Variants in SCN7A observed in about 807,000 individuals in gnomAD.
The protein encoded by SCN7A is sodium voltage-gated channel alpha subunit 7, also known as sodium channel protein type 7 subunit alpha.
A neutral mutation model predicts 155.2 loss-of-function variants in SCN7A; 138 were observed. That is an observed-to-expected ratio of 0.89 (90% CI 0.77 to 1.02). The LOEUF is 1.02. Ranked by LOEUF, SCN7A falls within the 50% of genes least tolerant of loss-of-function variation. The pLI, the probability that SCN7A is intolerant of heterozygous loss-of-function variation, is 0.00. For missense variants in SCN7A, 2,058 were observed against 1,986.6 expected (o/e 1.04, Z -0.68); for synonymous variants, 693 against 649.0 (o/e 1.07, Z -1.03).
chr2:166,414,068 T>TATATATGTAA (rs71932630), intron 21 of SCN7A, among the ~76,000 whole-genome samples: 5 of 73,860 alleles, frequency 6.8e-5, no homozygotes, highest in African/African-American at 2.5e-4. Flanking sequence ...AAAAATATAT[T>TATATATGTAA]ATATATGTAA....
chr2:166,441,241 C>T (rs957679644), intron 15 of SCN7A, 155 bp downstream of exon 15: 5 of 530,902 alleles, frequency 9.4e-6, no homozygotes, highest in African/African-American at 7.7e-5. Flanking sequence ...TGGAACTAAT[C>T]ATATATCAGT....
At position 166,441,702 on chromosome 2, in the gene SCN7A, CA is replaced by C; in HGVS notation, c.1850del (p.Met617SerfsTer11). 6.2e-7 allele frequency: 1 copy of C among 1,612,400 alleles called. No individual in the cohort carries two copies. Among genetic ancestry groups the C allele is most frequent in the Non-Finnish European group, 8.5e-7 (1 of 1,179,182 alleles). The part of the protein sequence containing the change: ...GKYWPTFQIL[M>X]WSLSNSWVAL... ...CCACCCATGAGTTACTAAGAGACCA[CA>C]TCAAAATCTGGAATGTTGGCCAATA... On this transcript the variant is annotated frameshift_variant, in exon 15 of 26. Coordinates refer to ENST00000643258, the MANE Select transcript of SCN7A (RefSeq NM_002976.4). LOFTEE classifies it high-confidence loss of function.
chr2:166,420,566 T>C (rs1157312190), intron 20 of SCN7A, among the ~76,000 whole-genome samples: 1 of 152,056 alleles, frequency 6.6e-6, no homozygotes, highest in Non-Finnish European at 1.5e-5. Context: ...CCATTTCAGG[T>C]ACAAAAGATT....
intron 1 of SCN7A, among the ~76,000 whole-genome samples, chr2:166,488,763 A>T (rs1703109751): frequency 6.6e-6 from 1 of 151,448 alleles, no homozygotes; most frequent in Non-Finnish European, 1.5e-5. Context: ...TCAGCCTCCC[A>T]AGTAGCTAGG....
In SCN7A at chr2:166,406,113, T is replaced by C; in HGVS notation, c.4516A>G (p.Lys1506Glu). 6.2e-7 allele frequency: 1 copy of C among 1,612,074 alleles called. No individual in the cohort carries two copies. The highest frequency in any genetic ancestry group is 2.2e-5 in the East Asian group (1 of 44,788). The change falls in exon 26 of 26, where the codon AAA (lysine) becomes GAA (glutamate). Residue 1506 changes from lysine to glutamate, a missense_variant. By Grantham distance (56) the Lys-to-Glu change is moderately conservative. Coordinates refer to ENST00000643258, the MANE Select transcript of SCN7A (RefSeq NM_002976.4). Reference protein sequence around the residue: ...MEFLNIASKKKNKTLSEDDFR... With the variant: ...MEFLNIASKKENKTLSEDDFR... The stretch of plus-strand genomic sequence containing the variant: ...TCATCTTCACTCAAGGTCTTGTTTT[T>C]CTTCTTAGAAGCAATATTTAAAAAC...
At chr2:166,447,073 T>G (rs1702080257) in intron 12 of SCN7A, among the ~76,000 whole-genome samples, 1 of 152,114 alleles carries the variant, frequency 6.6e-6, no homozygotes, top group Non-Finnish European at 1.5e-5. Flanking sequence ...ATAAAAAAGC[T>G]GAATGAATTG....
chr2:166,465,784 G>A lies in SCN7A; in HGVS notation c.868C>T (p.Arg290Ter), dbSNP rs763423273. The change falls in exon 8 of 26, where the codon CGA becomes TGA. Residue 290 changes from arginine to a stop codon, truncating the protein, a stop_gained. Transcript: ENST00000643258. LOFTEE classifies it high-confidence loss of function. The part of the protein sequence containing the change: ...HNRTGNPYYI[R>*]ETENFYYLEG... Reference sequence around the variant, plus strand: ...TACATGGCAAGGTGATTCTTACCTCGAATATAATATGGGTTTCCAGTTCTG... The same window carrying A: ...TACATGGCAAGGTGATTCTTACCTCAAATATAATATGGGTTTCCAGTTCTG... 5.6e-6 allele frequency: 9 copies of A among 1,613,572 alleles called. No individual in the cohort carries two copies. In the Admixed American group the frequency reaches 6.7e-5, roughly 12 times the overall value.
intron 18 of SCN7A, among the ~76,000 whole-genome samples, 160 bp downstream of exon 18, chr2:166,427,628 T>A (rs970822735): frequency 4.6e-5 from 7 of 152,068 alleles, no homozygotes; most frequent in Admixed American, 1.3e-4. Flanking sequence ...TAAGAAAGTA[T>A]ATTATTTAGA....
At chr2:166,443,721 C>A in intron 13 of SCN7A, 45 bp from the exon 14 acceptor site, 1 of 1,370,334 alleles carries the variant, frequency 7.3e-7, no homozygotes, top group South Asian at 1.4e-5. Flanking sequence ...ATTCCAATAG[C>A]TGTATCAGAA....
chr2:166,484,708 A>T (rs2105531169), intron 2 of SCN7A, among the ~76,000 whole-genome samples: 1 of 152,132 alleles, frequency 6.6e-6, no homozygotes, highest in African/African-American at 2.4e-5. Context: ...ATAAATTAGG[A>T]AATAATGATT....
intron 1 of SCN7A, among the ~76,000 whole-genome samples, chr2:166,489,795 C>T (rs1683044003): frequency 6.6e-6 from 1 of 152,114 alleles, no homozygotes; most frequent in South Asian, 2.1e-4. Context: ...TTCTTCAATA[C>T]GTCCACTTAA....
chr2:166,440,050 G>A (rs1198185582), intron 15 of SCN7A, among the ~76,000 whole-genome samples: 2 of 152,142 alleles, frequency 1.3e-5, no homozygotes, highest in Non-Finnish European at 2.9e-5. Flanking sequence ...TAGATGCAGT[G>A]AAAGCTACTT....
At position 166,477,708 on chromosome 2, in the gene SCN7A, T is replaced by C. The variant is rs756007632; in HGVS notation, c.-12A>G. ...GGTGAAGCCAACATTTCCAATTTTGTACCTGCAAAAAATTCTGTATTAAAG... is the reference window on the plus strand; with the variant it reads ...GGTGAAGCCAACATTTCCAATTTTGCACCTGCAAAAAATTCTGTATTAAAG... On this transcript the variant is annotated splice_region_variant and 5_prime_UTR_variant, in exon 3 of 26. Coordinates refer to ENST00000643258, the MANE Select transcript of SCN7A (RefSeq NM_002976.4). 9 of 1,527,464 alleles carry C rather than the reference T, an allele frequency of 5.9e-6. No homozygotes were observed. Among genetic ancestry groups the C allele is most frequent in the Middle Eastern group, 1.7e-4 (1 of 5,734 alleles). 94.6% of individuals were successfully genotyped at this position (1,527,464 alleles called of 1,614,324 possible).
chr2:166,476,896 G>C (rs1702810817), intron 3 of SCN7A, among the ~76,000 whole-genome samples: 1 of 151,856 alleles, frequency 6.6e-6, no homozygotes, highest in Non-Finnish European at 1.5e-5. Context: ...AGCTTCATTG[G>C]TTCATACCAA....
At chr2:166,413,996 T>C (rs1184857119) in intron 21 of SCN7A, among the ~76,000 whole-genome samples, 1 of 100,466 alleles carries the variant, frequency 1.0e-5, no homozygotes, top group Admixed American at 1.4e-4. Context: ...TATATATATA[T>C]ATATATAAAT....
In SCN7A at chr2:166,443,714, C is replaced by T. The variant is rs1702006159; in HGVS notation, c.1627-38G>A. On this transcript the variant is annotated intron_variant, in intron 13 of 25. Transcript: ENST00000643258. ...CAAATACATAGGTGAGAATATGATT[C>T]CAATAGCTGTATCAGAATCTTCACA... 7.8e-6 allele frequency: 11 copies of T among 1,404,640 alleles called. No individual in the cohort carries two copies. The South Asian group carries it at 1.4e-4, about 18-fold the overall frequency. 87.0% of individuals were successfully genotyped at this position (1,404,640 alleles called of 1,614,324 possible).
chr2:166,406,580 A>G lies in SCN7A; in HGVS notation c.4049T>C (p.Leu1350Pro). 6.2e-7 allele frequency: 1 copy of G among 1,612,646 alleles called. No individual in the cohort carries two copies. Among genetic ancestry groups the G allele is most frequent in the Non-Finnish European group, 8.5e-7 (1 of 1,179,134 alleles). ...ACGCAGCATGTGAATGATCCGTGAGAGAAGTATCAGTTGCACAAGTGAAGG... is the reference window on the plus strand; with the variant it reads ...ACGCAGCATGTGAATGATCCGTGAGGGAAGTATCAGTTGCACAAGTGAAGG... The part of the protein sequence containing the change: ...VPPSLVQLIL[L>P]SRIIHMLRLG... Residue 1350 changes from leucine (L) to proline (P), a missense_variant, in exon 26 of 26, where the codon CTC becomes CCC. Transcript: ENST00000643258.
At chr2:166,471,283 C>T (rs942302360) in intron 6 of SCN7A, among the ~76,000 whole-genome samples, 2 of 151,780 alleles carry the variant, frequency 1.3e-5, no homozygotes, top group African/African-American at 4.8e-5. Context: ...TCTTTCTTGC[C>T]TCAGTTTCCT....
At chr2:166,453,910 C>A (rs1702226538) in intron 11 of SCN7A, among the ~76,000 whole-genome samples, 1 of 151,982 alleles carries the variant, frequency 6.6e-6, no homozygotes, top group Non-Finnish European at 1.5e-5. Flanking sequence ...AATTCTTGTA[C>A]AAATAATGTA....
Sources: allele counts gnomAD v4.1 joint callset (sites outside exome capture counted in the v4.1 genomes callset), GRCh38; gene constraint gnomAD v4.1.1; transcripts MANE v1.5; gene names NCBI Gene and HGNC (gene_info 2026-07-23, HGNC 2026-07-21).